DPYSL5: variants seen among roughly 807,000 people sequenced by gnomAD.
DPYSL5 encodes the protein dihydropyrimidinase-related protein 5.
In DPYSL5, 9 loss-of-function variants were observed where a neutral mutation model predicts 58.4. That is an observed-to-expected ratio of 0.15 (90% CI 0.09 to 0.27). DPYSL5 has a LOEUF of 0.27. Among genes scored for constraint, DPYSL5 ranks in the 10% least tolerant of loss-of-function variants. The pLI is 1.00. For missense variants in DPYSL5, 499 were observed against 770.6 expected (o/e 0.65, Z 4.17); for synonymous variants, 293 against 301.9 (o/e 0.97, Z 0.31).
In DPYSL5 at chr2:26,849,666, GAAC is replaced by G. The variant is rs1198287403; in HGVS notation, c.-5+1415_-5+1417del. 1.3e-5 allele frequency among the ~76,000 whole-genome samples: 2 copies of G among 152,242 alleles called. No homozygotes were observed. The highest frequency in any genetic ancestry group is 4.8e-5 in the African/African-American group (2 of 41,464). On this transcript the variant is annotated intron_variant, in intron 1 of 12. Coordinates refer to ENST00000288699, the MANE Select transcript of DPYSL5 (RefSeq NM_020134.4). This position sits in a 1 kb window ranked among gnomAD's most constrained non-coding sequence, Gnocchi z 6.2. ...GGATCTCCCTTCGGGGAGACCCGGA[GAAC>G]AATAGCCGACCCTGGTGTCCATCCG...
rs1367629354 is a variant in DPYSL5 at position 26,944,764 on chromosome 2, C to T, written c.1549C>T (p.Arg517Trp). The T allele has an allele frequency of 3.1e-6, 5 of 1,614,140 alleles. No individual in the cohort carries two copies. Among genetic ancestry groups the T allele is most frequent in the Admixed American group, 1.7e-5 (1 of 60,008 alleles). Residue 517 changes from arginine to tryptophan, a missense_variant, in exon 12 of 13, where the codon CGG becomes TGG. This residue lies in a region of DPYSL5 where 62 missense variants were observed against 59.2 expected (regional missense o/e 1.05). Coordinates refer to ENST00000288699, the MANE Select transcript of DPYSL5 (RefSeq NM_020134.4). The surrounding 1 kb of genome is among the most constrained non-coding windows in gnomAD (Gnocchi z 4.4). ...AACCCCACTCGCAGACACTCCTACC[C>T]GGCCCGTCACCCGGCATGGGGGCAT... ...MGTPLADTPTRPVTRHGGMRD... is the reference protein window; with the variant it reads ...MGTPLADTPTWPVTRHGGMRD...
chr2:26,896,745 G>A (rs941827378), intron 1 of DPYSL5, among the ~76,000 whole-genome samples: 1 of 152,094 alleles, frequency 6.6e-6, no homozygotes, highest in Admixed American at 6.5e-5. Context: ...TTGCTGTTGG[G>A]CTCTTTCAAT....
intron 1 of DPYSL5, among the ~76,000 whole-genome samples, chr2:26,859,387 G>T (rs1184132016): frequency 2.6e-5 from 4 of 151,948 alleles, no homozygotes; most frequent in Middle Eastern, 3.4e-3. Flanking sequence ...GGCATAGGGG[G>T]TACAATTCTA....
At chr2:26,888,392 T>C (rs113562496) in intron 1 of DPYSL5, among the ~76,000 whole-genome samples, 1 of 152,212 alleles carries the variant, frequency 6.6e-6, no homozygotes, top group African/African-American at 2.4e-5. Context: ...TTCCTCAGCC[T>C]CCCGAGTAGC....
intron 1 of DPYSL5, among the ~76,000 whole-genome samples, chr2:26,868,274 A>T (rs898360576): frequency 1.3e-5 from 2 of 152,102 alleles, no homozygotes; most frequent in African/African-American, 4.8e-5. Context: ...CAGACTCTTT[A>T]TCATTTATCT....
At chr2:26,916,854 G>A (rs952967502) in intron 2 of DPYSL5, among the ~76,000 whole-genome samples, 4 of 152,152 alleles carry the variant, frequency 2.6e-5, no homozygotes, top group Non-Finnish European at 5.9e-5. Context: ...CTGTTTCCCA[G>A]CTGGACTCTA....
chr2:26,946,784 G>A, intron 12 of DPYSL5, 126 bp from the exon 13 acceptor site: 1 of 658,924 alleles, frequency 1.5e-6, no homozygotes. Context: ...TCATCTATAA[G>A]ATGGGATGGA....
rs899293145 is a variant in DPYSL5 at position 26,927,037 on chromosome 2, G to A, written c.421-216G>A. ...CAATGTGGCTCCTAAACTGTGTCGTGTTGACAATTTTCACAGTACTTCCGC... is the reference window on the plus strand; with the variant it reads ...CAATGTGGCTCCTAAACTGTGTCGTATTGACAATTTTCACAGTACTTCCGC... On this transcript the variant is annotated intron_variant, in intron 3 of 12. Coordinates refer to ENST00000288699, the MANE Select transcript of DPYSL5 (RefSeq NM_020134.4). This position sits in a 1 kb window ranked among gnomAD's most constrained non-coding sequence, Gnocchi z 4.3. 6.6e-6 allele frequency among the ~76,000 whole-genome samples: 1 copy of A among 152,218 alleles called. No homozygotes were observed. The highest frequency in any genetic ancestry group is 1.5e-5 in the Non-Finnish European group (1 of 68,038).
At chr2:26,893,622 CTATT>C (rs1663942308) in intron 1 of DPYSL5, among the ~76,000 whole-genome samples, 1 of 152,140 alleles carries the variant, frequency 6.6e-6, no homozygotes, top group Non-Finnish European at 1.5e-5. Flanking sequence ...GTAGATGGGG[CTATT>C]TATTCGTTTA....
At chr2:26,938,209 C>G (rs1665231923) in intron 8 of DPYSL5, among the ~76,000 whole-genome samples, 1 of 152,186 alleles carries the variant, frequency 6.6e-6, no homozygotes, top group Non-Finnish European at 1.5e-5. Flanking sequence ...TAGTGGGTAC[C>G]TTTGTGTAGG....
intron 2 of DPYSL5, among the ~76,000 whole-genome samples, chr2:26,913,034 G>A (rs1664480386): frequency 6.6e-6 from 1 of 152,216 alleles, no homozygotes; most frequent in Non-Finnish European, 1.5e-5. Flanking sequence ...TGTAAAATGA[G>A]AGGAGTAACC....
upstream of DPYSL5, chr2:26,848,126 C>A (rs957983986): frequency 3.3e-5 from 5 of 151,504 alleles, no homozygotes; most frequent in African/African-American, 9.7e-5. Context: ...CCGCGCTGGG[C>A]GCGCTGAGGC....
intron 5 of DPYSL5, among the ~76,000 whole-genome samples, chr2:26,930,508 C>T (rs912342158): frequency 1.2e-4 from 18 of 152,270 alleles, no homozygotes; most frequent in Admixed American, 2.6e-4. Flanking sequence ...TCCCACAATG[C>T]GCAGACACCC....
In DPYSL5 at chr2:26,927,946, G is replaced by T. The variant is rs1664868041; in HGVS notation, c.601-309G>T. ...TCGATTTCCAGAGAGGGAATTCTGA[G>T]TTTGAAATCAGTAAAGAGTGCTTGT... On this transcript the variant is annotated intron_variant, in intron 4 of 12. Coordinates refer to ENST00000288699, the MANE Select transcript of DPYSL5 (RefSeq NM_020134.4). The surrounding 1 kb of genome is among the most constrained non-coding windows in gnomAD (Gnocchi z 4.3). Among the ~76,000 whole-genome samples the T allele has an allele frequency of 6.6e-6, 1 of 152,212 alleles. No individual in the cohort carries two copies. Among genetic ancestry groups the T allele is most frequent in the African/African-American group, 2.4e-5 (1 of 41,466 alleles).
rs1210102582 is a variant in DPYSL5, at chr2:26,898,198, T to C, written c.-4-298T>C. On this transcript the variant is annotated intron_variant, in intron 1 of 12. Transcript: ENST00000288699. This position sits in a 1 kb window ranked among gnomAD's most constrained non-coding sequence, Gnocchi z 6.1. Reference sequence around the variant, plus strand: ...GATATGAGAAATGAGATATGAGAGATAGAAAATGAGATAGTAGATGTGAAA... The same window carrying C: ...GATATGAGAAATGAGATATGAGAGACAGAAAATGAGATAGTAGATGTGAAA... Among the ~76,000 whole-genome samples, 1 of 151,866 alleles carries C rather than the reference T, an allele frequency of 6.6e-6. No individual in the cohort carries two copies. The highest frequency in any genetic ancestry group is 1.5e-5 in the Non-Finnish European group (1 of 67,952).
At position 26,947,121 on chromosome 2, in the gene DPYSL5, C is replaced by A; in HGVS notation, c.*126C>A. On this transcript the variant is annotated 3_prime_UTR_variant, in exon 13 of 13. Coordinates refer to ENST00000288699, the MANE Select transcript of DPYSL5 (RefSeq NM_020134.4). This position sits in a 1 kb window ranked among gnomAD's most constrained non-coding sequence, Gnocchi z 4.2. The stretch of plus-strand genomic sequence containing the variant: ...ACCACCCGAGGGGGGCCCCGGGACC[C>A]ACGGAGCCCTCCCTATGTCTGCAAA... 1.4e-6 allele frequency: 1 copy of A among 693,612 alleles called. No individual in the cohort carries two copies. Among genetic ancestry groups the A allele is most frequent in the Non-Finnish European group, 2.5e-6 (1 of 399,370 alleles). The allele number at this position is 693,612 out of a possible 1,614,324, so 43.0% of individuals were successfully genotyped here. A position where few individuals can be genotyped will look rare whatever the true frequency, so the allele number is the denominator to read the frequency against.
chr2:26,946,933 C>A lies in DPYSL5; in HGVS notation c.1633C>A (p.Pro545Thr). The change falls in exon 13 of 13, where the codon CCA (proline) becomes ACA (threonine). Residue 545 changes from proline (P) to threonine (T), a missense_variant. Pro to Thr is a conservative substitution (Grantham distance 38). Around this residue, in one of 3 missense-constraint regions of DPYSL5, gnomAD observed 33 missense variants for 63.8 expected, o/e 0.52. Transcript: ENST00000288699. ...LSGSQIDDHV[P>T]KRASARILAP... is the part of the protein sequence containing the mutation. ...AGGCTCTCAGATCGATGACCATGTT[C>A]CAAAGCGAGCTTCAGCTCGGATCCT... is the stretch of plus-strand genomic sequence containing the variant. 1 of 1,614,152 alleles carries A rather than the reference C, an allele frequency of 6.2e-7. No individual in the cohort carries two copies. Among genetic ancestry groups the A allele is most frequent in the Non-Finnish European group, 8.5e-7 (1 of 1,179,964 alleles).
At chr2:26,900,121 C>T (rs1664119439) in intron 2 of DPYSL5, among the ~76,000 whole-genome samples, 1 of 152,056 alleles carries the variant, frequency 6.6e-6, no homozygotes, top group African/African-American at 2.4e-5. Context: ...ACAGAATTAC[C>T]CCATTGAATA....
chr2:26,930,494 A>G (rs1476364910), intron 5 of DPYSL5, among the ~76,000 whole-genome samples: 1 of 152,184 alleles, frequency 6.6e-6, no homozygotes, highest in East Asian at 1.9e-4. Flanking sequence ...GATACTGCTA[A>G]ACATCCCACA....
Sources: gnomAD v4.1 joint callset for allele counts (sites outside exome capture counted in the v4.1 genomes callset) on GRCh38, gnomAD v4.1.1 for gene constraint, gnomAD v4.1.1 regional missense constraint, Gnocchi (gnomAD v3.1) non-coding constraint, MANE v1.5 for transcripts, NCBI Gene and HGNC (gene_info 2026-07-23, HGNC 2026-07-21) for gene names.